Variants in TNFSF4 observed in about 807,000 individuals in gnomAD.
TNFSF4 encodes the protein TNF superfamily member 4.
A neutral mutation model predicts 7.3 loss-of-function variants in TNFSF4; 4 were observed. The observed-to-expected ratio is 0.55, with a 90% CI of 0.27 to 1.25. The LOEUF (loss-of-function observed/expected upper bound fraction) is 1.25. TNFSF4 is among the 50% of genes most tolerant of loss of function. The pLI, the probability that TNFSF4 is intolerant of heterozygous loss-of-function variation, is 0.12. For missense variants in TNFSF4, 181 were observed against 208.8 expected, an observed-to-expected ratio of 0.87 and a Z score of 0.82; for synonymous variants, 76 against 83.7, an observed-to-expected ratio of 0.91 and a Z score of 0.50.
At chr1:173,349,114 C>G in the TNFSF4 span, among the ~76,000 whole-genome samples, 1 of 152,214 alleles carries the variant, frequency 6.6e-6, no homozygotes, top group African/African-American at 2.4e-5. Flanking sequence ...CTGCAAGCTC[C>G]GCCCCCCGGG....
At chr1:173,304,182 A>G in the TNFSF4 span, among the ~76,000 whole-genome samples, 5 of 151,948 alleles carry the variant, frequency 3.3e-5, no homozygotes, top group African/African-American at 1.2e-4. Flanking sequence ...AAAACCTCCA[A>G]GTAAAGGTTA....
At chr1:173,308,540 T>C in the TNFSF4 span, among the ~76,000 whole-genome samples, 4 of 151,994 alleles carry the variant, frequency 2.6e-5, no homozygotes, top group Non-Finnish European at 5.9e-5. Context: ...TTTCTGAATG[T>C]GTTATAAAAT....
the TNFSF4 span, among the ~76,000 whole-genome samples, chr1:173,439,671 CCAGT>C: frequency 6.6e-6 from 1 of 152,276 alleles, no homozygotes; most frequent in Non-Finnish European, 1.5e-5. Flanking sequence ...GCTATAGGTG[CCAGT>C]CAGTGACACC....
chr1:173,394,931 T>C, the TNFSF4 span, among the ~76,000 whole-genome samples: 1 of 149,928 alleles, frequency 6.7e-6, no homozygotes, highest in African/African-American at 2.5e-5. Flanking sequence ...GATAGATAGA[T>C]AGATAGATAG....
chr1:173,327,784 CA>C, the TNFSF4 span, among the ~76,000 whole-genome samples: 1 of 152,142 alleles, frequency 6.6e-6, no homozygotes, highest in East Asian at 1.9e-4. Context: ...CAGAGAAATG[CA>C]AATCAAAACC....
At chr1:173,409,390 T>C in the TNFSF4 span, among the ~76,000 whole-genome samples, 3 of 152,328 alleles carry the variant, frequency 2.0e-5, no homozygotes, top group East Asian at 5.8e-4. Flanking sequence ...TATTAATACT[T>C]TTATAACTTA....
chr1:173,418,797 T>C, the TNFSF4 span, among the ~76,000 whole-genome samples: 1 of 152,066 alleles, frequency 6.6e-6, no homozygotes, highest in Admixed American at 6.5e-5. Flanking sequence ...GAGCCTTACA[T>C]GTAAACAGAG....
chr1:173,275,631 T>C, the TNFSF4 span, among the ~76,000 whole-genome samples: 1 of 152,154 alleles, frequency 6.6e-6, no homozygotes, highest in Non-Finnish European at 1.5e-5. Flanking sequence ...TTATTACCAG[T>C]GTTTTCTGGG....
chr1:173,389,624 C>G, the TNFSF4 span, among the ~76,000 whole-genome samples: 53 of 152,148 alleles, frequency 3.5e-4, no homozygotes, highest in African/African-American at 1.1e-3. Flanking sequence ...GAATGAAGAT[C>G]TTCTAGTCCA....
the TNFSF4 span, among the ~76,000 whole-genome samples, chr1:173,223,710 G>A: frequency 6.6e-6 from 1 of 152,092 alleles, no homozygotes; most frequent in South Asian, 2.1e-4. Context: ...CCTTTTCCTA[G>A]ACATATCTTA....
the TNFSF4 span, among the ~76,000 whole-genome samples, chr1:173,283,573 C>G: frequency 6.6e-6 from 1 of 152,078 alleles, no homozygotes; most frequent in African/African-American, 2.4e-5. Context: ...GAATTGTAGA[C>G]TATTGAAACT....
At chr1:173,235,235 T>C in the TNFSF4 span, among the ~76,000 whole-genome samples, 2 of 152,196 alleles carry the variant, frequency 1.3e-5, no homozygotes, top group African/African-American at 4.8e-5. Flanking sequence ...CTGGTTCTTG[T>C]GTCACAACCA....
At chr1:173,191,004 G>GA (rs1241293146) in intron 1 of TNFSF4, among the ~76,000 whole-genome samples, 5 of 152,094 alleles carry the variant, frequency 3.3e-5, no homozygotes, top group African/African-American at 4.8e-5. Context: ...TAATAAAAGA[G>GA]AAAAAAACAT....
the TNFSF4 span, among the ~76,000 whole-genome samples, chr1:173,277,926 A>G: frequency 1.3e-5 from 2 of 152,234 alleles, no homozygotes; most frequent in African/African-American, 4.8e-5. Context: ...CATGACAGGT[A>G]TAGGAGGGAG....
chr1:173,433,744 AC>A, the TNFSF4 span, among the ~76,000 whole-genome samples: 97 of 151,996 alleles, frequency 6.4e-4, no homozygotes, highest in Non-Finnish European at 1.1e-3. Context: ...CTTTCGATCC[AC>A]CACAAAGACT....
chr1:173,378,695 C>T, the TNFSF4 span, among the ~76,000 whole-genome samples: 11 of 152,090 alleles, frequency 7.2e-5, no homozygotes, highest in Admixed American at 3.3e-4. Flanking sequence ...TTCTTTTCAT[C>T]GAGGGAGAAT....
the TNFSF4 span, among the ~76,000 whole-genome samples, chr1:173,173,218 A>T: frequency 6.6e-6 from 1 of 151,996 alleles, no homozygotes; most frequent in East Asian, 1.9e-4. Flanking sequence ...TCCCTCCCAA[A>T]TCTCCTGTTT....
At chr1:173,203,954 G>A (rs1443453736) in intron 1 of TNFSF4, among the ~76,000 whole-genome samples, 4 of 152,148 alleles carry the variant, frequency 2.6e-5, no homozygotes. Context: ...ATTGGTTTTG[G>A]TGACAGAAGC....
chr1:173,422,760 C>T, the TNFSF4 span, among the ~76,000 whole-genome samples: 1 of 152,128 alleles, frequency 6.6e-6, no homozygotes, highest in Non-Finnish European at 1.5e-5. Flanking sequence ...AGTCAATTAC[C>T]AAGCAATGTA....
Sources: allele counts gnomAD v4.1 joint callset (sites outside exome capture counted in the v4.1 genomes callset), GRCh38; gene constraint gnomAD v4.1.1; transcripts MANE v1.5; gene names NCBI Gene and HGNC (gene_info 2026-07-23, HGNC 2026-07-21).